The following OLFM2 variants were observed in gnomAD, a reference collection of about 807,000 sequenced individuals.
The protein encoded by OLFM2 is olfactomedin 2, also known as noelin-2.
Under a neutral mutation model 43.9 loss-of-function variants are expected in OLFM2, and 20 were observed. The ratio of observed to expected loss-of-function variants is 0.46; its 90% CI spans 0.32 to 0.66. The LOEUF is 0.66. Among genes scored for constraint, OLFM2 ranks in the 30% least tolerant of loss-of-function variants. The probability of loss-of-function intolerance (pLI) is 0.04; values close to 1 mark genes in which losing one functional copy is unlikely to be tolerated. For synonymous variants in OLFM2, 268 were observed against 278.6 expected (o/e 0.96, Z 0.38); for missense variants, 416 against 643.6 (o/e 0.65, Z 3.83).
At chr19:9,880,628 AGAG>A (rs560457008) in intron 1 of OLFM2, among the ~76,000 whole-genome samples, 10 of 152,240 alleles carry the variant, frequency 6.6e-5, no homozygotes, top group South Asian at 6.2e-4. Context: ...AATAAATAAA[AGAG>A]GAGATGAAGA....
At chr19:9,860,024 C>T (rs1310415834) in intron 2 of OLFM2, among the ~76,000 whole-genome samples, 2 of 152,170 alleles carry the variant, frequency 1.3e-5, no homozygotes. Context: ...CGCCTGTAAT[C>T]CCAGCTACTC....
chr19:9,867,661 T>A (rs1048543419), intron 1 of OLFM2, among the ~76,000 whole-genome samples: 14 of 152,116 alleles, frequency 9.2e-5, no homozygotes, highest in African/African-American at 3.4e-4. Context: ...TACCATAAGA[T>A]AGCGCCAATT....
Position 9,885,324 on chromosome 19 carries a change from T to G in OLFM2, c.64-24530A>C, listed in dbSNP as rs1205520571. On this transcript the variant is annotated intron_variant, in intron 1 of 5. Transcript: ENST00000264833. ...CTCAGCTGTGTCAGAGGAGCCCCAG[T>G]GCCAAGTTGGCCTGGTTTTCATCCC... 2.0e-5 allele frequency among the ~76,000 whole-genome samples: 3 copies of G among 152,324 alleles called. No individual in the cohort carries two copies. In the East Asian group the frequency reaches 5.8e-4, roughly 29 times the overall value.
At chr19:9,924,450 G>A (rs540706690) in intron 1 of OLFM2, among the ~76,000 whole-genome samples, 3 of 149,598 alleles carry the variant, frequency 2.0e-5, no homozygotes, top group African/African-American at 7.5e-5. Flanking sequence ...TTGAAATGGA[G>A]GTCTCGCTCT....
chr19:9,870,044 C>G (rs1223832076), intron 1 of OLFM2, among the ~76,000 whole-genome samples: 1 of 152,146 alleles, frequency 6.6e-6, no homozygotes, highest in Non-Finnish European at 1.5e-5. Flanking sequence ...AGGCATGCAC[C>G]ACTGCACCTG....
intron 1 of OLFM2, among the ~76,000 whole-genome samples, chr19:9,909,631 G>T (rs889231480): frequency 1.3e-5 from 2 of 152,066 alleles, no homozygotes; most frequent in South Asian, 4.1e-4. Context: ...CCAACCTTCC[G>T]CCTCCTGACT....
intron 1 of OLFM2, among the ~76,000 whole-genome samples, chr19:9,894,400 TAATAATAATAATA>T (rs1489412500): frequency 2.4e-4 from 21 of 87,622 alleles, no homozygotes; most frequent in African/African-American, 6.8e-4. Flanking sequence ...ATAATAATAA[TAATAATAATAATA>T]AATAAATAAA....
At chr19:9,927,747 A>T (rs1443087402) in intron 1 of OLFM2, among the ~76,000 whole-genome samples, 2 of 152,228 alleles carry the variant, frequency 1.3e-5, no homozygotes, top group Admixed American at 1.3e-4. Context: ...TCTTTCTCAT[A>T]GAAATTACTA....
intron 2 of OLFM2, among the ~76,000 whole-genome samples, chr19:9,859,540 G>C (rs919643955): frequency 6.6e-6 from 1 of 152,180 alleles, no homozygotes; most frequent in Non-Finnish European, 1.5e-5. Flanking sequence ...TGATACACAT[G>C]CCTCAGCCTC....
rs1202562984 is a variant in OLFM2, at chr19:9,872,256, A to G, written c.64-11462T>C. Among the ~76,000 whole-genome samples, 3 of 152,202 alleles carry G rather than the reference A, an allele frequency of 2.0e-5. No individual in the cohort carries two copies. The East Asian group carries it at 5.8e-4, about 29-fold the overall frequency. On this transcript the variant is annotated intron_variant, in intron 1 of 5. Transcript: ENST00000264833. ...GCCAGGCGCTGTGGCTCATGCTTGC[A>G]TTCCCAGCACTTCGGGAGGCCAAGG...
intron 2 of OLFM2, among the ~76,000 whole-genome samples, chr19:9,860,285 C>T (rs1212220495): frequency 6.6e-6 from 1 of 151,928 alleles, no homozygotes; most frequent in African/African-American, 2.4e-5. Flanking sequence ...TGAGACCAGC[C>T]TGGGCAACAT....
chr19:9,929,320 C>T (rs2086469834), intron 1 of OLFM2, among the ~76,000 whole-genome samples: 1 of 151,838 alleles, frequency 6.6e-6, no homozygotes. Context: ...GGGCCGGGCG[C>T]GGTGGCTCAC....
At position 9,922,026 on chromosome 19, in the gene OLFM2, C is replaced by T. The variant is rs1678392133; in HGVS notation, c.63+14278G>A. Among the ~76,000 whole-genome samples, 4 of 149,388 alleles carry T rather than the reference C, an allele frequency of 2.7e-5. No homozygotes were observed. In the South Asian group the frequency reaches 6.4e-4, roughly 24 times the overall value. ...GGAAGATCGCTTGAGCCCGGGAGATCGAGGCTGCAGTGAGCCGTAATTGCA... is the reference window on the plus strand; with the variant it reads ...GGAAGATCGCTTGAGCCCGGGAGATTGAGGCTGCAGTGAGCCGTAATTGCA... On this transcript the variant is annotated intron_variant, in intron 1 of 5. Transcript: ENST00000264833.
intron 1 of OLFM2, among the ~76,000 whole-genome samples, chr19:9,915,452 A>G (rs57045073): frequency 0.17 from 25,982 of 151,626 alleles, 2,582 homozygotes; most frequent in East Asian, 0.33. Context: ...TATTAGGAGG[A>G]AGGGGAAGTA....
At chr19:9,862,756 C>T (rs1048765407) in intron 1 of OLFM2, among the ~76,000 whole-genome samples, 1 of 151,968 alleles carries the variant, frequency 6.6e-6, no homozygotes, top group African/African-American at 2.4e-5. Flanking sequence ...AGGTGGATCA[C>T]CTGAGGTCAG....
chr19:9,858,254 C>G, intron 2 of OLFM2: 4 of 336,200 alleles, frequency 1.2e-5, no homozygotes, highest in South Asian at 7.2e-5. Context: ...CCCACTTCCT[C>G]TCTCTTTGTT....
chr19:9,921,610 TC>T (rs1202591606), intron 1 of OLFM2, among the ~76,000 whole-genome samples: 2 of 151,978 alleles, frequency 1.3e-5, no homozygotes, highest in African/African-American at 4.8e-5. Flanking sequence ...TGCCTCGGCC[TC>T]CCAAGTAGCT....
In OLFM2 at chr19:9,923,783, C is replaced by T. The variant is rs139629431; in HGVS notation, c.63+12521G>A. ...TAGCTGGGACTTCAGGCATGCAGCA[C>T]CACACTTAGCTAATTAAACAAATTT... is the stretch of plus-strand genomic sequence containing the variant. On this transcript the variant is annotated intron_variant, in intron 1 of 5. Transcript: ENST00000264833. Among the ~76,000 whole-genome samples, 683 of 152,010 alleles carry T rather than the reference C, an allele frequency of 4.5e-3. 7 individuals are homozygous for T. Among genetic ancestry groups the T allele is most frequent in the African/African-American group, 0.015 (604 of 41,456 alleles).
intron 1 of OLFM2, among the ~76,000 whole-genome samples, chr19:9,885,477 A>G (rs1166790270): frequency 3.9e-5 from 6 of 152,132 alleles, no homozygotes; most frequent in Non-Finnish European, 7.3e-5. Context: ...CTCTGCCCAG[A>G]GCTGCTGACT....
Sources: allele counts gnomAD v4.1 joint callset (sites outside exome capture counted in the v4.1 genomes callset), GRCh38; gene constraint gnomAD v4.1.1; transcripts MANE v1.5; gene names NCBI Gene and HGNC (gene_info 2026-07-23, HGNC 2026-07-21).